Variants in HDLBP observed in about 807,000 individuals in gnomAD.
The protein encoded by HDLBP is vigilin.
In HDLBP, 30 loss-of-function variants were observed where a neutral mutation model predicts 137.3. The ratio of observed to expected loss-of-function variants is 0.22; its 90% CI spans 0.16 to 0.30. The LOEUF is 0.30. HDLBP is among the 10% of genes least tolerant of loss of function. HDLBP has a pLI of 1.00. For synonymous variants in HDLBP, 606 were observed against 596.0 expected, an observed-to-expected ratio of 1.02 and a Z score of -0.24; for missense variants, 1,119 against 1,667.3, an observed-to-expected ratio of 0.67 and a Z score of 5.73.
chr2:241,256,430 AG>A, intron 6 of HDLBP, 31 bp from the exon 7 acceptor site: 1 of 1,570,286 alleles, frequency 6.4e-7, no homozygotes. Context: ...TGATGAGAAC[AG>A]GCCTTTGAAA....
intron 5 of HDLBP, among the ~76,000 whole-genome samples, chr2:241,257,928 A>G (rs887774070): frequency 6.6e-6 from 1 of 152,234 alleles, no homozygotes; most frequent in Non-Finnish European, 1.5e-5. Flanking sequence ...AACATTTAGG[A>G]CATGATAAAA....
chr2:241,235,914 G>A lies in HDLBP; in HGVS notation c.2905-320C>T, dbSNP rs189796926. 1.4e-3 allele frequency among the ~76,000 whole-genome samples: 218 copies of A among 152,150 alleles called. 1 individual carries two copies. Among genetic ancestry groups the A allele is most frequent in the African/African-American group, 4.9e-3 (203 of 41,516 alleles). ...CCTCGGGGTCATGACGGCTTTGACC[G>A]ATGCCCATGAGGTGCCACAAGGGAC... is the stretch of plus-strand genomic sequence containing the variant. On this transcript the variant is annotated intron_variant, in intron 21 of 27. Transcript: ENST00000310931.
In HDLBP at chr2:241,236,740, T is replaced by G. The variant is rs758317347; in HGVS notation, c.2779A>C (p.Asn927His). The G allele has an allele frequency of 3.2e-5, 52 of 1,613,786 alleles. No homozygotes were observed. Among genetic ancestry groups the G allele is most frequent in the Non-Finnish European group, 4.2e-5 (49 of 1,179,986 alleles). The change falls in exon 21 of 28, where the codon AAT (asparagine) becomes CAT (histidine). Residue 927 changes from asparagine (N) to histidine (H), a missense_variant. This residue lies in a region of HDLBP where 618 missense variants were observed against 816.7 expected (regional missense o/e 0.76). Coordinates refer to ENST00000310931, the MANE Select transcript of HDLBP (RefSeq NM_005336.6). ...VHSTEPVVQE[N>H]GDEAGEGREA... ...CTCCCCTCCCCAGCTTCGTCCCCAT[T>G]CTCCTGGACAACTGGCTCTGTACTG...
intron 1 of HDLBP, among the ~76,000 whole-genome samples, chr2:241,284,488 G>A (rs532438957): frequency 6.6e-6 from 1 of 152,244 alleles, no homozygotes; most frequent in Non-Finnish European, 1.5e-5. Context: ...GGTTTCCTAA[G>A]ATAGAATCTA....
At position 241,239,650 on chromosome 2, in the gene HDLBP, G is replaced by T; in HGVS notation, c.2562C>A (p.Asp854Glu). 1.2e-6 allele frequency: 2 copies of T among 1,614,206 alleles called. No individual in the cohort carries two copies. The highest frequency in any genetic ancestry group is 1.7e-6 in the Non-Finnish European group (2 of 1,180,032). ...TGCGTTTCTTGGCTGCCTCCACACA[G>T]TCCTTGGCGCCCTTGAGGGTGACTT... ...SDKVTLKGAK[D>E]CVEAAKKRIQ... Residue 854 changes from aspartate (D) to glutamate (E), a missense_variant, in exon 19 of 28, where the codon GAC (aspartate) becomes GAA (glutamate). Around this residue, in one of 4 missense-constraint regions of HDLBP, gnomAD observed 618 missense variants for 816.7 expected, o/e 0.76. Transcript: ENST00000310931. The surrounding 1 kb of genome is among the most constrained non-coding windows in gnomAD (Gnocchi z 4.6).
In HDLBP at chr2:241,301,688, C is replaced by G. The variant is rs1575051271; in HGVS notation, c.-103+13882G>C. Among the ~76,000 whole-genome samples the G allele has an allele frequency of 2.6e-5, 4 of 152,152 alleles. No individual in the cohort carries two copies. The South Asian group carries it at 8.3e-4, about 32-fold the overall frequency. ...CTTCTATTTACAAGCTACAAGACACCAAGCAACATGGTTCTCAACTGTCGA... is the reference window on the plus strand; with the variant it reads ...CTTCTATTTACAAGCTACAAGACACGAAGCAACATGGTTCTCAACTGTCGA... On this transcript the variant is annotated intron_variant, in intron 1 of 27. Transcript: ENST00000310931.
Position 241,234,050 on chromosome 2 carries a change from CTG to C in HDLBP, c.3145-89_3145-88del, listed in dbSNP as rs2070108429. On this transcript the variant is annotated intron_variant, in intron 23 of 27. Transcript: ENST00000310931. ...CCCCTTCCACCCTGGTCATAGGACA[CTG>C]GAGATGCTGCAGTGTTCTGTAACCC... The C allele has an allele frequency of 2.7e-6, 4 of 1,457,644 alleles. No individual in the cohort carries two copies. The Admixed American group carries it at 6.9e-5, about 25-fold the overall frequency. 90.3% of individuals were successfully genotyped at this position (1,457,644 alleles called of 1,614,324 possible).
chr2:241,261,794 T>C (rs943612789), intron 5 of HDLBP, among the ~76,000 whole-genome samples: 1 of 152,204 alleles, frequency 6.6e-6, no homozygotes, highest in Non-Finnish European at 1.5e-5. Flanking sequence ...GGACCTGCAT[T>C]AGGTGGCACT....
chr2:241,272,624 G>A lies in HDLBP; in HGVS notation c.-102-4083C>T. The stretch of plus-strand genomic sequence containing the variant: ...GCGGGGGCCGCAGCCTGGGGCCCGG[G>A]TGGGGGCCGCGGCACCCGGGCCCCT... On this transcript the variant is annotated intron_variant, in intron 1 of 27. Coordinates refer to ENST00000310931, the MANE Select transcript of HDLBP (RefSeq NM_005336.6). This position sits in a 1 kb window ranked among gnomAD's most constrained non-coding sequence, Gnocchi z 5.6. 1.0e-6 allele frequency: 1 copy of A among 980,384 alleles called. No individual in the cohort carries two copies. The highest frequency in any genetic ancestry group is 1.2e-6 in the Non-Finnish European group (1 of 826,666). 60.7% of individuals were successfully genotyped at this position (980,384 alleles called of 1,614,324 possible).
intron 3 of HDLBP, chr2:241,266,580 T>C (rs1166620366): frequency 1.9e-6 from 1 of 529,742 alleles, no homozygotes; most frequent in East Asian, 3.1e-5. Context: ...GCCCACATGT[T>C]AAATCTCACT....
At chr2:241,308,727 A>G (rs1033124439) in intron 1 of HDLBP, among the ~76,000 whole-genome samples, 2 of 152,184 alleles carry the variant, frequency 1.3e-5, no homozygotes, top group Non-Finnish European at 2.9e-5. Flanking sequence ...CACTAACTCT[A>G]GCCTTTGCCT....
chr2:241,268,242 A>G (rs1574977222), intron 2 of HDLBP, among the ~76,000 whole-genome samples: 1 of 152,242 alleles, frequency 6.6e-6, no homozygotes, highest in East Asian at 1.9e-4. Context: ...CACATTTAAG[A>G]AATAAAAGAT....
chr2:241,264,640 A>G (rs1559521934), intron 3 of HDLBP, 35 bp from the exon 4 acceptor site: 7 of 1,593,898 alleles, frequency 4.4e-6, no homozygotes, highest in Non-Finnish European at 5.1e-6. Flanking sequence ...AGGAAGCACT[A>G]CTTTTAGCAT....
rs564651071 is a variant in HDLBP at position 241,293,597 on chromosome 2, G to A, written c.-103+21973C>T. 2.6e-5 allele frequency among the ~76,000 whole-genome samples: 4 copies of A among 150,984 alleles called. No individual in the cohort carries two copies. The South Asian group carries it at 6.3e-4, about 24-fold the overall frequency. Reference sequence around the variant, plus strand: ...ACTGAACTCCAGCCTGGGTGACAGAGCGAGACTCTGCCTCAAAAAAAATTA... The same window carrying A: ...ACTGAACTCCAGCCTGGGTGACAGAACGAGACTCTGCCTCAAAAAAAATTA... On this transcript the variant is annotated intron_variant, in intron 1 of 27. Coordinates refer to ENST00000310931, the MANE Select transcript of HDLBP (RefSeq NM_005336.6).
chr2:241,251,496 T>C (rs1397264810), intron 11 of HDLBP, among the ~76,000 whole-genome samples: 1 of 152,166 alleles, frequency 6.6e-6, no homozygotes, highest in Non-Finnish European at 1.5e-5. Context: ...CGGACGTCAG[T>C]CATGTTATGC....
rs183988437 is a variant in HDLBP, at chr2:241,284,143, A to G, written c.-102-15602T>C. Among the ~76,000 whole-genome samples the G allele has an allele frequency of 3.9e-5, 6 of 152,360 alleles. No homozygotes were observed. In the East Asian group the frequency reaches 1.2e-3, roughly 29 times the overall value. ...GAATGTTGTTTTCATGCCTGCTAACAGCCATTCTGCAGCCCATGGATCAAG... is the reference window on the plus strand; with the variant it reads ...GAATGTTGTTTTCATGCCTGCTAACGGCCATTCTGCAGCCCATGGATCAAG... On this transcript the variant is annotated intron_variant, in intron 1 of 27. Transcript: ENST00000310931.
chr2:241,285,785 T>C (rs1307142822), intron 1 of HDLBP, among the ~76,000 whole-genome samples: 1 of 152,174 alleles, frequency 6.6e-6, no homozygotes, highest in African/African-American at 2.4e-5. Flanking sequence ...TCCTAGCACT[T>C]TGGGAGGCCA....
intron 1 of HDLBP, among the ~76,000 whole-genome samples, chr2:241,309,760 A>G (rs2075707146): frequency 6.6e-6 from 1 of 152,218 alleles, no homozygotes; most frequent in Non-Finnish European, 1.5e-5. Flanking sequence ...CACCAGTTAC[A>G]GAGGAGGGAA....
At chr2:241,253,559 C>T (rs1430230722) in intron 9 of HDLBP, 62 bp from the exon 10 acceptor site, 5 of 1,157,722 alleles carry the variant, frequency 4.3e-6, no homozygotes, top group Middle Eastern at 3.9e-4. Flanking sequence ...CCCCTGAGCT[C>T]CCAGTGGGAG....
Sources: allele counts gnomAD v4.1 joint callset (sites outside exome capture counted in the v4.1 genomes callset), GRCh38; gene constraint gnomAD v4.1.1; regional missense constraint gnomAD v4.1.1; non-coding constraint Gnocchi (gnomAD v3.1); transcripts MANE v1.5; gene names NCBI Gene and HGNC (gene_info 2026-07-23, HGNC 2026-07-21).